VOPP1: variants seen among roughly 807,000 people sequenced by gnomAD.
The protein encoded by VOPP1 is VOPP1 WW domain binding protein.
Under a neutral mutation model 23.5 loss-of-function variants are expected in VOPP1, and 8 were observed. That is an observed-to-expected ratio of 0.34 (90% CI 0.20 to 0.61). The LOEUF (loss-of-function observed/expected upper bound fraction) is 0.61. Among genes scored for constraint, VOPP1 ranks in the 20% least tolerant of loss-of-function variants. The pLI is 0.78. For missense variants in VOPP1, 174 were observed against 238.1 expected (o/e 0.73, Z 1.77); for synonymous variants, 83 against 97.3 (o/e 0.85, Z 0.86).
intron 4 of VOPP1, among the ~76,000 whole-genome samples, chr7:55,479,748 T>G (rs1792562164): frequency 6.6e-6 from 1 of 152,216 alleles, no homozygotes; most frequent in South Asian, 2.1e-4. Flanking sequence ...CAACAATTAT[T>G]TATGCAACAT....
rs921072360 is a variant in VOPP1, at chr7:55,535,342, G to C, written c.55-14212C>G. ...GCTTCATTACACAAACAAGCAAAAA[G>C]AGTGGGGCTGACTGATCAGGGCAAA... On this transcript the variant is annotated intron_variant, in intron 1 of 4. Coordinates refer to ENST00000285279, the MANE Select transcript of VOPP1 (RefSeq NM_030796.5). 2.6e-5 allele frequency among the ~76,000 whole-genome samples: 4 copies of C among 152,206 alleles called. No homozygotes were observed. The South Asian group carries it at 8.3e-4, about 32-fold the overall frequency.
intron 1 of VOPP1, among the ~76,000 whole-genome samples, chr7:55,559,634 A>C (rs1289989060): frequency 1.3e-5 from 2 of 152,258 alleles, no homozygotes; most frequent in East Asian, 1.9e-4. Context: ...TCAGAAAGTC[A>C]GAGATGAATC....
intron 4 of VOPP1, among the ~76,000 whole-genome samples, chr7:55,438,644 A>G (rs946006547): frequency 2.0e-5 from 3 of 152,218 alleles, no homozygotes; most frequent in African/African-American, 7.2e-5. Context: ...GCAGAATCGC[A>G]GGCCTTGGAG....
intron 1 of VOPP1, among the ~76,000 whole-genome samples, chr7:55,563,726 G>C (rs1444677136): frequency 1.3e-5 from 2 of 152,184 alleles, no homozygotes; most frequent in Non-Finnish European, 1.5e-5. Context: ...GTCACACAAG[G>C]TCAGGTGTGA....
At chr7:55,482,347 ATT>A (rs11292753) in intron 4 of VOPP1, among the ~76,000 whole-genome samples, 5,637 of 127,742 alleles carry the variant, frequency 0.044, 125 homozygotes, top group African/African-American at 0.07. Context: ...GAAGGGAGGT[ATT>A]TTTTTTTTTT....
chr7:55,494,979 T>C (rs1376538772), intron 3 of VOPP1, among the ~76,000 whole-genome samples: 1 of 151,816 alleles, frequency 6.6e-6, no homozygotes, highest in Non-Finnish European at 1.5e-5. Flanking sequence ...AGAGGAAGGT[T>C]TGTGCCTTTT....
intron 4 of VOPP1, among the ~76,000 whole-genome samples, chr7:55,487,958 G>C (rs1482240990): frequency 6.6e-6 from 1 of 152,204 alleles, no homozygotes; most frequent in African/African-American, 2.4e-5. Flanking sequence ...CTAAAGAGCA[G>C]GGAGGATTCT....
At chr7:55,465,805 G>A (rs1431368401), downstream of VOPP1, among the ~76,000 whole-genome samples, 1 of 152,194 alleles carries the variant, frequency 6.6e-6, no homozygotes, top group Non-Finnish European at 1.5e-5. Context: ...AGAGCCCACA[G>A]TCTTTCCATG....
chr7:55,547,314 C>A (rs540847320), intron 1 of VOPP1, among the ~76,000 whole-genome samples: 1 of 152,296 alleles, frequency 6.6e-6, no homozygotes, highest in Non-Finnish European at 1.5e-5. Context: ...TACATGCATT[C>A]ATGTAGAAAT....
intron 1 of VOPP1, among the ~76,000 whole-genome samples, chr7:55,525,475 C>T (rs1254764198): frequency 2.1e-5 from 3 of 145,068 alleles, no homozygotes; most frequent in Non-Finnish European, 4.5e-5. Context: ...GGCGACAGAG[C>T]GAGACTCCGT....
intron 2 of VOPP1, among the ~76,000 whole-genome samples, chr7:55,510,857 TCTGCTCC>T (rs552162644): frequency 0.011 from 1,668 of 152,162 alleles, 11 homozygotes; most frequent in Middle Eastern, 0.02. Flanking sequence ...TCCCAAAGTC[TCTGCTCC>T]ACCCCGCTTC....
intron 1 of VOPP1, among the ~76,000 whole-genome samples, chr7:55,555,452 T>C (rs1410891632): frequency 6.6e-6 from 1 of 152,194 alleles, no homozygotes; most frequent in East Asian, 1.9e-4. Context: ...CCTCACTTTG[T>C]GAATCTGTAA....
chr7:55,539,188 T>C (rs1451432160), intron 1 of VOPP1, among the ~76,000 whole-genome samples: 1 of 151,702 alleles, frequency 6.6e-6, no homozygotes, highest in African/African-American at 2.4e-5. Flanking sequence ...CCACTAAAAA[T>C]ACAAAAATTA....
At chr7:55,537,328 C>T (rs1051665576) in intron 1 of VOPP1, among the ~76,000 whole-genome samples, 6 of 152,196 alleles carry the variant, frequency 3.9e-5, no homozygotes, top group Non-Finnish European at 8.8e-5. Flanking sequence ...TGGCACTCTG[C>T]CCCCACTGCT....
At chr7:55,483,505 T>C (rs1005884281) in intron 4 of VOPP1, among the ~76,000 whole-genome samples, 25 of 152,114 alleles carry the variant, frequency 1.6e-4, no homozygotes, top group Admixed American at 1.4e-3. Context: ...CCCTGCTCTG[T>C]CCTCACCATC....
intron 4 of VOPP1, among the ~76,000 whole-genome samples, chr7:55,477,549 C>A (rs1300717321): frequency 6.6e-6 from 1 of 152,104 alleles, no homozygotes; most frequent in Non-Finnish European, 1.5e-5. Flanking sequence ...GAGGGAGGGG[C>A]GGGAGTGTGG....
chr7:55,440,560 G>A (rs540156011), intron 4 of VOPP1, among the ~76,000 whole-genome samples: 4 of 152,284 alleles, frequency 2.6e-5, no homozygotes, highest in East Asian at 1.9e-4. Flanking sequence ...CTATTCCTCC[G>A]TCCTCCCACC....
intron 1 of VOPP1, among the ~76,000 whole-genome samples, chr7:55,539,805 C>A (rs142175770): frequency 2.0e-4 from 31 of 151,726 alleles, no homozygotes; most frequent in African/African-American, 7.3e-4. Flanking sequence ...TGGACAGGAA[C>A]CAGGACTCAA....
chr7:55,479,037 A>G (rs1792491156), intron 4 of VOPP1, among the ~76,000 whole-genome samples: 1 of 152,150 alleles, frequency 6.6e-6, no homozygotes, highest in Admixed American at 6.5e-5. Context: ...CCCTTCCTCT[A>G]TGTGACTTTC....
Sources: allele counts gnomAD v4.1 joint callset (sites outside exome capture counted in the v4.1 genomes callset), GRCh38; gene constraint gnomAD v4.1.1; transcripts MANE v1.5; gene names NCBI Gene and HGNC (gene_info 2026-07-23, HGNC 2026-07-21).